Variants in MARCHF1 observed in about 807,000 individuals in gnomAD.
The protein encoded by MARCHF1 is E3 ubiquitin-protein ligase MARCHF1.
In MARCHF1, 40 loss-of-function variants were observed where a neutral mutation model predicts 54.2. The ratio of observed to expected loss-of-function variants is 0.74; its 90% CI spans 0.57 to 0.96. The LOEUF is 0.96. MARCHF1 is among the 40% of genes least tolerant of loss of function. MARCHF1 has a pLI of 0.00. For missense variants in MARCHF1, 586 were observed against 656.5 expected, an observed-to-expected ratio of 0.89 and a Z score of 1.17; for synonymous variants, 236 against 236.3, an observed-to-expected ratio of 1.00 and a Z score of 0.01.
chr4:163,538,293 A>G (rs1738605727), intron 9 of MARCHF1, among the ~76,000 whole-genome samples: 4 of 150,802 alleles, frequency 2.7e-5, no homozygotes, highest in African/African-American at 9.7e-5. Flanking sequence ...AAAAACTTGA[A>G]TGAAAAGGCA....
intron 4 of MARCHF1, among the ~76,000 whole-genome samples, chr4:163,811,921 G>T (rs538948830): frequency 6.6e-6 from 1 of 152,102 alleles, no homozygotes; most frequent in South Asian, 2.1e-4. Context: ...GGATTTCCAG[G>T]AGAGAACAGC....
chr4:163,612,241 G>GAC (rs1741366320), intron 7 of MARCHF1, 30 bp downstream of exon 7: 2 of 1,448,200 alleles, frequency 1.4e-6, no homozygotes, highest in South Asian at 3.0e-5. Context: ...ATATATGGAT[G>GAC]ACATCAAGCC....
At chr4:163,535,415 G>A (rs1246092028) in intron 9 of MARCHF1, among the ~76,000 whole-genome samples, 1 of 151,988 alleles carries the variant, frequency 6.6e-6, no homozygotes, top group Non-Finnish European at 1.5e-5. Context: ...CCAAAGGTGA[G>A]CTTATTACCC....
rs182880363 is a variant in MARCHF1, at chr4:164,037,239, C to T, written c.-247-48530G>A. Among the ~76,000 whole-genome samples the T allele has an allele frequency of 3.8e-4, 58 of 152,102 alleles. No individual in the cohort carries two copies. The East Asian group carries it at 7.4e-3, about 19-fold the overall frequency. On this transcript the variant is annotated intron_variant, in intron 2 of 9. Coordinates refer to ENST00000514618, the MANE Select transcript of MARCHF1 (RefSeq NM_001394959.1). ...CAAGTCTGAAATTCAGAAGAGGGGT[C>T]TGGGCTGGAGATGAAAATTTGGAGA...
chr4:163,695,473 C>T (rs922833070), intron 5 of MARCHF1, among the ~76,000 whole-genome samples: 2 of 152,092 alleles, frequency 1.3e-5, no homozygotes, highest in Non-Finnish European at 2.9e-5. Context: ...ATTTTATAAA[C>T]TTTACCTTGA....
At chr4:164,115,637 A>G (rs187443973) in intron 1 of MARCHF1, among the ~76,000 whole-genome samples, 2 of 150,208 alleles carry the variant, frequency 1.3e-5, no homozygotes, top group East Asian at 4.2e-4. Context: ...ATTTTGAATA[A>G]AAGAAATGCT....
chr4:163,745,398 C>T (rs1746328323), intron 4 of MARCHF1, among the ~76,000 whole-genome samples: 1 of 151,812 alleles, frequency 6.6e-6, no homozygotes, highest in Admixed American at 6.6e-5. Context: ...CAGGCATGAG[C>T]CACCATGCCC....
chr4:163,601,480 T>C (rs1380581258), intron 7 of MARCHF1, among the ~76,000 whole-genome samples: 1 of 152,074 alleles, frequency 6.6e-6, no homozygotes, highest in Admixed American at 6.6e-5. Flanking sequence ...CATAGTTCAG[T>C]ATAACTGCAA....
intron 1 of MARCHF1, among the ~76,000 whole-genome samples, chr4:164,140,894 T>C (rs1756516349): frequency 6.6e-6 from 1 of 152,280 alleles, no homozygotes; most frequent in Non-Finnish European, 1.5e-5. Context: ...AACCTGAACA[T>C]GACCTCCTAA....
chr4:163,946,128 C>G (rs1351931292), intron 3 of MARCHF1, among the ~76,000 whole-genome samples: 4 of 152,124 alleles, frequency 2.6e-5, no homozygotes, highest in African/African-American at 7.2e-5. Flanking sequence ...AAATACATAT[C>G]TGGCATCACT....
At chr4:163,980,486 G>A (rs1004420231) in intron 3 of MARCHF1, among the ~76,000 whole-genome samples, 15 of 151,570 alleles carry the variant, frequency 9.9e-5, no homozygotes, top group African/African-American at 3.6e-4. Flanking sequence ...AACACCAAAA[G>A]CAATGGCAAC....
At chr4:163,771,833 G>A (rs1317329901) in intron 4 of MARCHF1, among the ~76,000 whole-genome samples, 1 of 152,122 alleles carries the variant, frequency 6.6e-6, no homozygotes, top group Admixed American at 6.6e-5. Flanking sequence ...CCCCTTTCAG[G>A]TTCTATTTTG....
intron 1 of MARCHF1, among the ~76,000 whole-genome samples, chr4:164,313,266 G>A (rs554283813): frequency 1.9e-4 from 28 of 149,320 alleles, no homozygotes; most frequent in African/African-American, 5.9e-4. Flanking sequence ...GGAGAATGGC[G>A]TGAACCTGGG....
intron 3 of MARCHF1, among the ~76,000 whole-genome samples, chr4:163,863,782 G>A (rs1373427274): frequency 6.6e-6 from 1 of 151,866 alleles, no homozygotes; most frequent in East Asian, 1.9e-4. Context: ...GCTAGGGTAG[G>A]AAAAATACAA....
At chr4:164,196,660 T>A in intron 1 of MARCHF1, among the ~76,000 whole-genome samples, 1 of 152,146 alleles carries the variant, frequency 6.6e-6, no homozygotes, top group Admixed American at 6.6e-5. Context: ...CTAAAAGGAC[T>A]ATACTTAAAA....
At chr4:164,122,729 G>T (rs897139974) in intron 1 of MARCHF1, among the ~76,000 whole-genome samples, 1 of 151,918 alleles carries the variant, frequency 6.6e-6, no homozygotes, top group Admixed American at 6.6e-5. Flanking sequence ...CTTCTTGTGT[G>T]TTTTCGTGTC....
At chr4:163,613,421 A>G in intron 5 of MARCHF1, 28 bp from the exon 6 acceptor site, 1 of 1,613,284 alleles carries the variant, frequency 6.2e-7, no homozygotes, top group Non-Finnish European at 8.5e-7. Context: ...ATAATTTGGC[A>G]TCTTGGTTAA....
At chr4:164,362,776 C>T (rs917787959) in intron 1 of MARCHF1, among the ~76,000 whole-genome samples, 4 of 152,070 alleles carry the variant, frequency 2.6e-5, no homozygotes, top group Non-Finnish European at 4.4e-5. Context: ...TGGCTAGAAA[C>T]TCATTTACAA....
intron 2 of MARCHF1, among the ~76,000 whole-genome samples, chr4:164,068,251 C>T (rs987658030): frequency 1.3e-5 from 2 of 152,196 alleles, no homozygotes; most frequent in South Asian, 2.1e-4. Flanking sequence ...TCGCAGCCCT[C>T]GCTCACTCTC....
Sources: allele counts gnomAD v4.1 joint callset (sites outside exome capture counted in the v4.1 genomes callset), GRCh38; gene constraint gnomAD v4.1.1; transcripts MANE v1.5; gene names NCBI Gene and HGNC (gene_info 2026-07-23, HGNC 2026-07-21).